The following AK5 variants were observed in gnomAD, a reference collection of about 807,000 sequenced individuals.
The protein encoded by AK5 is adenylate kinase isoenzyme 5.
A neutral mutation model predicts 69.5 loss-of-function variants in AK5; 27 were observed. The observed-to-expected ratio is 0.39, with a 90% CI of 0.29 to 0.54. The LOEUF is 0.54. AK5 is among the 20% of genes least tolerant of loss of function. The pLI is 0.71. For synonymous variants in AK5, 260 were observed against 244.4 expected (o/e 1.06, Z -0.60); for missense variants, 531 against 700.4 (o/e 0.76, Z 2.73).
intron 7 of AK5, among the ~76,000 whole-genome samples, chr1:77,412,832 C>T (rs117541130): frequency 4.6e-5 from 7 of 152,194 alleles, no homozygotes; most frequent in East Asian, 3.9e-4. Context: ...GACCTTTCTC[C>T]GGGGAGCCAG....
At chr1:77,363,760 T>G (rs983728266) in intron 6 of AK5, among the ~76,000 whole-genome samples, 1 of 152,168 alleles carries the variant, frequency 6.6e-6, no homozygotes, top group African/African-American at 2.4e-5. Context: ...TCTTACTCTC[T>G]TCAAGTCTTT....
chr1:77,297,783 A>G (rs774780497), intron 4 of AK5, 51 bp from the exon 5 acceptor site: 5 of 1,607,152 alleles, frequency 3.1e-6, no homozygotes, highest in South Asian at 1.1e-5. Context: ...CCGATTGAGT[A>G]TACTAAGTTT....
chr1:77,527,938 A>G (rs1158559934), intron 12 of AK5, among the ~76,000 whole-genome samples: 2 of 152,242 alleles, frequency 1.3e-5, no homozygotes, highest in African/African-American at 4.8e-5. Context: ...ACATGCCTGT[A>G]ATCCCAGCTA....
chr1:77,533,502 C>A (rs1658769337), intron 12 of AK5, among the ~76,000 whole-genome samples: 1 of 100,348 alleles, frequency 1.0e-5, no homozygotes, highest in Non-Finnish European at 1.9e-5. Flanking sequence ...GAGCAAGACT[C>A]TGTCACCAAA....
rs929454333 is a variant in AK5, at chr1:77,282,902, T to C, written c.60+529T>C. The C allele has an allele frequency of 9.1e-6, 9 of 985,892 alleles. No individual in the cohort carries two copies. The East Asian group carries it at 9.1e-4, about 99-fold the overall frequency. The allele number at this position is 985,892 out of a possible 1,614,324, so 61.1% of individuals were successfully genotyped here. Reference sequence around the variant, plus strand: ...GATGCAAAAAGCAAAACCCAACCTATCAAGTGCCACCTCCCCGGTGACAGG... The same window carrying C: ...GATGCAAAAAGCAAAACCCAACCTACCAAGTGCCACCTCCCCGGTGACAGG... On this transcript the variant is annotated intron_variant, in intron 1 of 13. Transcript: ENST00000354567.
chr1:77,310,277 TCTG>T (rs1470299003), intron 5 of AK5, among the ~76,000 whole-genome samples: 1 of 152,188 alleles, frequency 6.6e-6, no homozygotes, highest in Non-Finnish European at 1.5e-5. Context: ...AGTTCTTTCT[TCTG>T]TTTATATATT....
intron 7 of AK5, 123 bp from the exon 8 acceptor site, chr1:77,417,516 G>T (rs895025617): frequency 3.0e-6 from 2 of 671,980 alleles, no homozygotes; most frequent in African/African-American, 3.6e-5. Context: ...GATGAGAACA[G>T]TCTAGAAATG....
At chr1:77,400,213 G>A (rs1649115575) in intron 6 of AK5, among the ~76,000 whole-genome samples, 1 of 152,166 alleles carries the variant, frequency 6.6e-6, no homozygotes, top group Non-Finnish European at 1.5e-5. Context: ...TGTTCTGCAA[G>A]TGCCCAGCTA....
At chr1:77,352,233 G>A (rs1159194662) in intron 6 of AK5, among the ~76,000 whole-genome samples, 2 of 152,022 alleles carry the variant, frequency 1.3e-5, no homozygotes, top group Non-Finnish European at 2.9e-5. Context: ...CGGCCCATTT[G>A]CAAGTAGTTC....
chr1:77,320,279 T>C (rs935599656), intron 5 of AK5, among the ~76,000 whole-genome samples: 3 of 152,110 alleles, frequency 2.0e-5, no homozygotes, highest in Non-Finnish European at 2.9e-5. Context: ...TTTTGGGAAC[T>C]ACAATTCAAG....
intron 6 of AK5, among the ~76,000 whole-genome samples, chr1:77,367,600 A>AAATATATGT: frequency 2.4e-5 from 1 of 42,234 alleles, no homozygotes; most frequent in African/African-American, 7.7e-5. Flanking sequence ...TATATATGTA[A>AAATATATGT]TATATATGTA....
intron 8 of AK5, among the ~76,000 whole-genome samples, chr1:77,468,975 A>G (rs1280907931): frequency 1.3e-5 from 2 of 152,360 alleles, no homozygotes; most frequent in Middle Eastern, 3.4e-3. Context: ...ATTATAGCAG[A>G]CAGCCAAAAT....
chr1:77,523,786 CT>C (rs1658126463), intron 12 of AK5, among the ~76,000 whole-genome samples: 1 of 152,184 alleles, frequency 6.6e-6, no homozygotes, highest in Non-Finnish European at 1.5e-5. Context: ...ATCCTCTCAC[CT>C]CAGCCTCCTG....
intron 6 of AK5, among the ~76,000 whole-genome samples, chr1:77,390,972 C>G (rs1246739573): frequency 6.6e-6 from 1 of 152,110 alleles, no homozygotes; most frequent in Non-Finnish European, 1.5e-5. Flanking sequence ...TTACTTGAAA[C>G]CTGTATTGCT....
At chr1:77,394,970 C>A (rs1469481296) in intron 6 of AK5, among the ~76,000 whole-genome samples, 1 of 152,078 alleles carries the variant, frequency 6.6e-6, no homozygotes, top group Non-Finnish European at 1.5e-5. Context: ...GGACAAGAGA[C>A]CTTTAAATCT....
intron 13 of AK5, among the ~76,000 whole-genome samples, chr1:77,545,792 T>G (rs970139505): frequency 2.6e-5 from 4 of 152,156 alleles, no homozygotes; most frequent in African/African-American, 9.7e-5. Context: ...CTGCATTTCA[T>G]CTGGGCCTGC....
At position 77,558,711 on chromosome 1, in the gene AK5, A is replaced by G. The variant is rs762774537; in HGVS notation, c.*41A>G. 1.5e-6 allele frequency: 2 copies of G among 1,366,716 alleles called. No homozygotes were observed. The highest frequency in any genetic ancestry group is 1.2e-5 in the South Asian group (1 of 83,720). The allele number at this position is 1,366,716 out of a possible 1,614,324, so 84.7% of individuals were successfully genotyped here. A position where few individuals can be genotyped will look rare whatever the true frequency, so the allele number is the denominator to read the frequency against. Reference sequence around the variant, plus strand: ...TTTGTTAGAATGGAAACAGAAAAACATTAAAAAGTTCATTCCTTAACACAA... The same window carrying G: ...TTTGTTAGAATGGAAACAGAAAAACGTTAAAAAGTTCATTCCTTAACACAA... On this transcript the variant is annotated 3_prime_UTR_variant, in exon 14 of 14. Coordinates refer to ENST00000354567, the MANE Select transcript of AK5 (RefSeq NM_174858.3).
rs548857160 is a variant in AK5 at position 77,544,660 on chromosome 1, C to A, written c.1620+8622C>A. ...ACTGTCTTTACCTCCGTATCTTGCC[C>A]ACTGGAAGGTCTTCAGGGGCAGTAA... is the stretch of plus-strand genomic sequence containing the variant. On this transcript the variant is annotated intron_variant, in intron 13 of 13. Coordinates refer to ENST00000354567, the MANE Select transcript of AK5 (RefSeq NM_174858.3). 3.9e-5 allele frequency among the ~76,000 whole-genome samples: 6 copies of A among 152,214 alleles called. No homozygotes were observed. In the East Asian group the frequency reaches 1.2e-3, roughly 29 times the overall value.
At chr1:77,363,966 AT>A (rs1377542175) in intron 6 of AK5, among the ~76,000 whole-genome samples, 3 of 151,894 alleles carry the variant, frequency 2.0e-5, no homozygotes, top group Admixed American at 1.3e-4. Flanking sequence ...GAAGGCCGGG[AT>A]TTTTTTTGTC....
Sources: allele counts gnomAD v4.1 joint callset (sites outside exome capture counted in the v4.1 genomes callset), GRCh38; gene constraint gnomAD v4.1.1; transcripts MANE v1.5; gene names NCBI Gene and HGNC (gene_info 2026-07-23, HGNC 2026-07-21).